The following RASAL2 variants were observed in gnomAD, a reference collection of about 807,000 sequenced individuals.
RASAL2 encodes RAS protein activator like 2.
A neutral mutation model predicts 128.9 loss-of-function variants in RASAL2; 58 were observed. That is an observed-to-expected ratio of 0.45 (90% CI 0.36 to 0.56). The LOEUF is 0.56. Among genes scored for constraint, RASAL2 ranks in the 20% least tolerant of loss-of-function variants. The pLI is 0.00. For synonymous variants in RASAL2, 561 were observed against 580.8 expected (o/e 0.97, Z 0.49); for missense variants, 1,360 against 1,601.6 (o/e 0.85, Z 2.57).
At chr1:178,261,913 CAA>C (rs35870834) in intron 1 of RASAL2, among the ~76,000 whole-genome samples, 24 of 84,494 alleles carry the variant, frequency 2.8e-4, no homozygotes, top group Non-Finnish European at 3.2e-4. Context: ...GAGACTGTCT[CAA>C]AAAAAAAAAA....
intron 1 of RASAL2, among the ~76,000 whole-genome samples, chr1:178,258,445 C>A (rs977452515): frequency 3.9e-5 from 6 of 152,066 alleles, no homozygotes; most frequent in African/African-American, 1.4e-4. Context: ...ATTTTAAAAA[C>A]AGGCAAAGGA....
intron 3 of RASAL2, among the ~76,000 whole-genome samples, chr1:178,313,724 G>C (rs1668366006): frequency 6.6e-6 from 1 of 152,124 alleles, no homozygotes; most frequent in Non-Finnish European, 1.5e-5. Flanking sequence ...GATGACGACA[G>C]GTGGGTTTCA....
chr1:178,324,280 C>G (rs777384728), intron 3 of RASAL2, among the ~76,000 whole-genome samples: 1 of 152,050 alleles, frequency 6.6e-6, no homozygotes, highest in African/African-American at 2.4e-5. Flanking sequence ...TGAAGCTGGT[C>G]ATAGTAGCTC....
chr1:178,349,685 G>A (rs187795712), intron 3 of RASAL2, among the ~76,000 whole-genome samples: 15 of 151,840 alleles, frequency 9.9e-5, no homozygotes, highest in African/African-American at 2.4e-4. Context: ...ATATGTACTC[G>A]TACTTAACAC....
chr1:178,421,702 G>T (rs564878968), intron 5 of RASAL2, among the ~76,000 whole-genome samples: 1 of 151,712 alleles, frequency 6.6e-6, no homozygotes, highest in South Asian at 2.1e-4. Context: ...CTAGAAAACA[G>T]AAATAAAATT....
chr1:178,416,725 GC>G (rs966986473), intron 4 of RASAL2, among the ~76,000 whole-genome samples: 1 of 151,698 alleles, frequency 6.6e-6, no homozygotes, highest in Non-Finnish European at 1.5e-5. Flanking sequence ...TGATAGTTTT[GC>G]AGGTTATAGA....
At chr1:178,287,179 C>T (rs959781800) in intron 2 of RASAL2, among the ~76,000 whole-genome samples, 4 of 151,568 alleles carry the variant, frequency 2.6e-5, no homozygotes, top group African/African-American at 9.7e-5. Flanking sequence ...GAATCTTACT[C>T]TTTATCTAGT....
chr1:178,194,614 G>A (rs1161869625), intron 1 of RASAL2: 1 of 160,652 alleles, frequency 6.2e-6, no homozygotes, highest in African/African-American at 2.4e-5. Context: ...ACCATCGTTA[G>A]AGGAGTCTGC....
chr1:178,237,851 A>G (rs1254816356), intron 1 of RASAL2, among the ~76,000 whole-genome samples: 1 of 152,014 alleles, frequency 6.6e-6, no homozygotes, highest in Non-Finnish European at 1.5e-5. Context: ...ACATACTGAA[A>G]CTCTGTACCC....
rs1390966830 is a variant in RASAL2 at position 178,285,511 on chromosome 1, T to G, written c.330+1820T>G. 3.9e-5 allele frequency among the ~76,000 whole-genome samples: 6 copies of G among 152,250 alleles called. No individual in the cohort carries two copies. The East Asian group carries it at 1.2e-3, about 29-fold the overall frequency. Reference sequence around the variant, plus strand: ...TGCCATTGAAAATATCTTTTACTTTTGTTATCATCTCCCTACCTGTAACCC... The same window carrying G: ...TGCCATTGAAAATATCTTTTACTTTGGTTATCATCTCCCTACCTGTAACCC... On this transcript the variant is annotated intron_variant, in intron 2 of 17. Coordinates refer to ENST00000367649, the MANE Select transcript of RASAL2 (RefSeq NM_170692.4).
intron 16 of RASAL2, 49 bp downstream of exon 16, chr1:178,466,171 A>G: frequency 6.7e-6 from 10 of 1,487,654 alleles, no homozygotes; most frequent in Non-Finnish European, 8.9e-6. Flanking sequence ...AAGACAAAGA[A>G]TTGAGATGAT....
intron 3 of RASAL2, among the ~76,000 whole-genome samples, chr1:178,385,895 A>G (rs1340832664): frequency 6.6e-6 from 1 of 152,182 alleles, no homozygotes; most frequent in Non-Finnish European, 1.5e-5. Context: ...CTCCTAAAGT[A>G]TTGACTCACA....
intron 1 of RASAL2, among the ~76,000 whole-genome samples, chr1:178,269,097 A>G (rs1002029494): frequency 9.2e-5 from 14 of 152,316 alleles, no homozygotes; most frequent in African/African-American, 3.4e-4. Flanking sequence ...AAATGAGGTA[A>G]TAAGGGTGGG....
chr1:178,246,263 T>A (rs1553264588), intron 1 of RASAL2, among the ~76,000 whole-genome samples: 1 of 152,192 alleles, frequency 6.6e-6, no homozygotes, highest in Non-Finnish European at 1.5e-5. Flanking sequence ...TTTGTAGTTC[T>A]CCTCGAAGAG....
At chr1:178,166,331 C>T (rs544905702) in intron 1 of RASAL2, among the ~76,000 whole-genome samples, 1 of 152,222 alleles carries the variant, frequency 6.6e-6, no homozygotes, top group Non-Finnish European at 1.5e-5. Flanking sequence ...TAGATATCCT[C>T]ATGGGACTAA....
At chr1:178,203,717 G>A (rs1662948698) in intron 1 of RASAL2, among the ~76,000 whole-genome samples, 1 of 152,202 alleles carries the variant, frequency 6.6e-6, no homozygotes, top group Non-Finnish European at 1.5e-5. Flanking sequence ...AAGTTAACAG[G>A]CTAAGAAGGA....
At chr1:178,166,617 C>T (rs942334978) in intron 1 of RASAL2, among the ~76,000 whole-genome samples, 4 of 152,078 alleles carry the variant, frequency 2.6e-5, no homozygotes, top group East Asian at 3.9e-4. Flanking sequence ...AGTAGTGTCA[C>T]CAAAGATCCC....
intron 3 of RASAL2, among the ~76,000 whole-genome samples, chr1:178,388,281 G>T (rs1672699844): frequency 6.6e-6 from 1 of 152,098 alleles, no homozygotes; most frequent in African/African-American, 2.4e-5. Flanking sequence ...CCTGAAGTCT[G>T]GAAGTCTTTC....
At chr1:178,305,147 G>T (rs957979537) in intron 3 of RASAL2, among the ~76,000 whole-genome samples, 6 of 152,136 alleles carry the variant, frequency 3.9e-5, no homozygotes, top group African/African-American at 1.4e-4. Context: ...AGAAATTGAA[G>T]AGGATGGCAA....
Sources: allele counts gnomAD v4.1 joint callset (sites outside exome capture counted in the v4.1 genomes callset), GRCh38; gene constraint gnomAD v4.1.1; transcripts MANE v1.5; gene names NCBI Gene and HGNC (gene_info 2026-07-23, HGNC 2026-07-21).